Variants in CDC27 observed in about 807,000 individuals in gnomAD.
CDC27 encodes cell division cycle protein 27 homolog.
CDC27 carries 27 observed loss-of-function variants against 109.7 expected under a neutral mutation model. That is an observed-to-expected ratio of 0.25 (90% CI 0.18 to 0.34). The LOEUF (loss-of-function observed/expected upper bound fraction) is 0.34, where lower values mean the gene tolerates loss of function less well. CDC27 is among the 10% of genes least tolerant of loss of function. The pLI is 1.00. For synonymous variants in CDC27, 266 were observed against 333.9 expected (o/e 0.80, Z 2.22); for missense variants, 579 against 960.2 (o/e 0.60, Z 5.25).
Position 47,189,210 on chromosome 17 carries a change from C to A in CDC27, c.-38G>T. The A allele has an allele frequency of 6.4e-7, 1 of 1,563,982 alleles. No individual in the cohort carries two copies. The highest frequency in any genetic ancestry group is 2.2e-5 in the East Asian group (1 of 44,688). On this transcript the variant is annotated 5_prime_UTR_variant, in exon 1 of 19. Coordinates refer to ENST00000066544, the MANE Select transcript of CDC27 (RefSeq NM_001256.6). The stretch of plus-strand genomic sequence containing the variant: ...GGCCCACTTTCTGCAGTGCCTCAGG[C>A]CCCCCCTGTAGCGGCTCCGGCCCGG...
intron 17 of CDC27, among the ~76,000 whole-genome samples, chr17:47,122,812 T>A (rs181293032): frequency 4.6e-4 from 70 of 152,294 alleles, no homozygotes; most frequent in Non-Finnish European, 9.3e-4. Context: ...TAGCTCGGAC[T>A]ACAGGTGCCC....
chr17:47,131,336 T>C (rs570010885), intron 15 of CDC27, among the ~76,000 whole-genome samples: 180 of 152,346 alleles, frequency 1.2e-3, no homozygotes, highest in African/African-American at 4.2e-3. Context: ...CAACTTTTTT[T>C]TCTTGCCCTG....
intron 9 of CDC27, among the ~76,000 whole-genome samples, chr17:47,146,817 C>A (rs2062972003): frequency 6.6e-6 from 1 of 152,118 alleles, no homozygotes; most frequent in South Asian, 2.1e-4. Flanking sequence ...GTAATCCCAA[C>A]AACTCGGGTG....
At chr17:47,153,402 T>C (rs1236565482) in intron 8 of CDC27, among the ~76,000 whole-genome samples, 1 of 152,248 alleles carries the variant, frequency 6.6e-6, no homozygotes, top group Non-Finnish European at 1.5e-5. Flanking sequence ...TTTTGCCTTC[T>C]TCATAACTGT....
chr17:47,169,612 T>G (rs2148960601), intron 4 of CDC27, among the ~76,000 whole-genome samples: 1 of 138,372 alleles, frequency 7.2e-6, no homozygotes, highest in Admixed American at 7.8e-5. Context: ...ACCATTGCAC[T>G]CCAGCCTGGG....
At chr17:47,163,660 G>A (rs1400635716) in intron 4 of CDC27, among the ~76,000 whole-genome samples, 2 of 152,150 alleles carry the variant, frequency 1.3e-5, no homozygotes, top group Non-Finnish European at 2.9e-5. Flanking sequence ...TGATTTAACT[G>A]CATCTTTAAA....
Position 47,120,702 on chromosome 17 carries a change from AC to A in CDC27, c.*232del, listed in dbSNP as rs143337546. The A allele has an allele frequency of 1.1e-4, 44 of 412,226 alleles. No individual in the cohort carries two copies. The highest frequency in any genetic ancestry group is 4.3e-6 in the Non-Finnish European group (1 of 230,518). 25.5% of individuals were successfully genotyped at this position (412,226 alleles called of 1,614,324 possible). ...AACAGAAAAGAAAGTTCCCCACCCT[AC>A]CCCCCATAAATTGTCATTCATACTG... On this transcript the variant is annotated 3_prime_UTR_variant, in exon 19 of 19. Transcript: ENST00000066544.
chr17:47,156,395 C>T (rs1471892477), intron 7 of CDC27, among the ~76,000 whole-genome samples: 2 of 152,048 alleles, frequency 1.3e-5, no homozygotes, highest in African/African-American at 4.8e-5. Flanking sequence ...ACCTTGGTCT[C>T]CCAAAGTGCT....
intron 1 of CDC27, among the ~76,000 whole-genome samples, chr17:47,181,983 T>G (rs1192900223): frequency 1.3e-5 from 2 of 152,224 alleles, no homozygotes; most frequent in Non-Finnish European, 2.9e-5. Flanking sequence ...CATAAAGCTT[T>G]CCTGGCTGAT....
chr17:47,123,062 C>T (rs561281466), intron 17 of CDC27, among the ~76,000 whole-genome samples: 1 of 152,308 alleles, frequency 6.6e-6, no homozygotes, highest in African/African-American at 2.4e-5. Flanking sequence ...TACAGATGAA[C>T]TCATACCAGC....
chr17:47,157,211 T>C lies in CDC27; in HGVS notation c.630+19A>G, dbSNP rs151002779. 1.7e-5 allele frequency: 27 copies of C among 1,598,324 alleles called. No individual in the cohort carries two copies. Among genetic ancestry groups the C allele is most frequent in the African/African-American group, 4.0e-5 (3 of 74,472 alleles). ...GTAGTTTTCATAATATTTTGAACAC[T>C]AGAATATAAGACACTTACAATTGTG... On this transcript the variant is annotated intron_variant, in intron 6 of 18. Transcript: ENST00000066544.
At chr17:47,134,963 T>C (rs188940173) in intron 14 of CDC27, among the ~76,000 whole-genome samples, 250 of 152,062 alleles carry the variant, frequency 1.6e-3, no homozygotes, top group African/African-American at 5.7e-3. Flanking sequence ...TGAGTAGTTA[T>C]TACATGTGTG....
intron 14 of CDC27, among the ~76,000 whole-genome samples, chr17:47,135,710 C>G (rs79621013): frequency 6.6e-6 from 1 of 151,968 alleles, no homozygotes; most frequent in Non-Finnish European, 1.5e-5. Flanking sequence ...CCTTTAAACA[C>G]AATTTTTGAT....
chr17:47,154,678 T>A lies in CDC27; in HGVS notation c.951A>T (p.Ser317=), dbSNP rs2063245367. ...VIDVPSTGAP[S]KKSVARIGQT... is the part of the protein sequence containing the mutation. ...CATTTTACATGGAAAATACCTTTTT[T>A]GAAGGGGCTCCGGTGGATGGCACAT... The change falls in exon 8 of 19, where the codon TCA becomes TCT. Residue 317 remains serine, a synonymous_variant. Transcript: ENST00000066544. 1 of 1,554,096 alleles carries A rather than the reference T, an allele frequency of 6.4e-7. No homozygotes were observed. Among genetic ancestry groups the A allele is most frequent in the Admixed American group, 1.7e-5 (1 of 58,340 alleles).
intron 4 of CDC27, among the ~76,000 whole-genome samples, chr17:47,162,414 C>A (rs1277426522): frequency 1.5e-4 from 23 of 152,180 alleles, no homozygotes. Flanking sequence ...AGCATTCTCT[C>A]TTGCAAGTGA....
At chr17:47,132,771 A>G (rs1371040455) in intron 14 of CDC27, among the ~76,000 whole-genome samples, 1 of 127,286 alleles carries the variant, frequency 7.9e-6, no homozygotes, top group East Asian at 2.5e-4. Flanking sequence ...TATTATTATT[A>G]TTATTATTAT....
chr17:47,167,220 G>A (rs2063676958), intron 4 of CDC27, among the ~76,000 whole-genome samples: 1 of 152,144 alleles, frequency 6.6e-6, no homozygotes, highest in Non-Finnish European at 1.5e-5. Flanking sequence ...ATCCATGTGT[G>A]ACTTTTTATT....
At chr17:47,140,286 C>G (rs1482353021) in intron 12 of CDC27, among the ~76,000 whole-genome samples, 1 of 152,066 alleles carries the variant, frequency 6.6e-6, no homozygotes, top group Non-Finnish European at 1.5e-5. Context: ...CTAATTTTTT[C>G]ATTTTTTTGT....
intron 14 of CDC27, among the ~76,000 whole-genome samples, chr17:47,133,024 T>TACACAC (rs1218545090): frequency 1.5e-3 from 72 of 47,458 alleles, no homozygotes; most frequent in East Asian, 7.0e-3. Context: ...TATATATATA[T>TACACAC]ATATACACAC....
Sources: gnomAD v4.1 joint callset for allele counts (sites outside exome capture counted in the v4.1 genomes callset) on GRCh38, gnomAD v4.1.1 for gene constraint, MANE v1.5 for transcripts, NCBI Gene and HGNC (gene_info 2026-07-23, HGNC 2026-07-21) for gene names.